HIVEP3: variants seen among roughly 807,000 people sequenced by gnomAD.
HIVEP3 encodes the protein HIVEP zinc finger 3.
HIVEP3 carries 49 observed loss-of-function variants against 152.8 expected under a neutral mutation model. That is an observed-to-expected ratio of 0.32 (90% CI 0.26 to 0.41). The LOEUF is 0.41. HIVEP3 is among the 10% of genes least tolerant of loss of function. HIVEP3 has a pLI of 1.00. For missense variants in HIVEP3, 2,790 were observed against 3,103.3 expected (o/e 0.90, Z 2.40); for synonymous variants, 1,269 against 1,289.0 (o/e 0.98, Z 0.33).
At chr1:41,930,784 T>A (rs923930895) in intron 1 of HIVEP3, among the ~76,000 whole-genome samples, 2 of 152,176 alleles carry the variant, frequency 1.3e-5, no homozygotes, top group Non-Finnish European at 2.9e-5. Flanking sequence ...ACACTTAGTG[T>A]TGTCAGGTTT....
chr1:41,784,158 C>A (rs189926403), intron 1 of HIVEP3, among the ~76,000 whole-genome samples: 1 of 152,190 alleles, frequency 6.6e-6, no homozygotes, highest in Non-Finnish European at 1.5e-5. Context: ...AGGGTCCCAC[C>A]TCCCCTGCCC....
At chr1:41,866,631 C>G (rs1238241526) in intron 1 of HIVEP3, among the ~76,000 whole-genome samples, 1 of 152,240 alleles carries the variant, frequency 6.6e-6, no homozygotes, top group African/African-American at 2.4e-5. Context: ...CCGTTCCTTT[C>G]TCTTCCCCAG....
At chr1:41,870,989 G>T (rs1644069401) in intron 1 of HIVEP3, among the ~76,000 whole-genome samples, 1 of 152,230 alleles carries the variant, frequency 6.6e-6, no homozygotes, top group South Asian at 2.1e-4. Context: ...CACGTGAACT[G>T]CTTAGAACAG....
intron 1 of HIVEP3, among the ~76,000 whole-genome samples, chr1:41,859,694 T>TACGCTGA (rs2124396406): frequency 6.6e-6 from 1 of 152,370 alleles, no homozygotes; most frequent in East Asian, 1.9e-4. Context: ...AACCTTCATC[T>TACGCTGA]ACGCTGACTG....
chr1:41,535,080 A>T (rs1643365518), intron 5 of HIVEP3, among the ~76,000 whole-genome samples: 1 of 152,200 alleles, frequency 6.6e-6, no homozygotes, highest in South Asian at 2.1e-4. Context: ...AAAGGGAACC[A>T]AGGCCCAGTG....
intron 1 of HIVEP3, among the ~76,000 whole-genome samples, chr1:42,022,367 T>C (rs186667067): frequency 5.1e-4 from 78 of 152,300 alleles, no homozygotes; most frequent in Non-Finnish European, 9.6e-4. Flanking sequence ...CCATGCTCTC[T>C]TCCTGCCCAT....
chr1:41,910,866 A>G (rs953976200), intron 1 of HIVEP3, among the ~76,000 whole-genome samples: 44 of 152,096 alleles, frequency 2.9e-4, no homozygotes, highest in African/African-American at 1.0e-3. Context: ...AGGAATATCA[A>G]ATCCATAAAA....
At chr1:41,708,798 C>G (rs572731733) in intron 1 of HIVEP3, among the ~76,000 whole-genome samples, 1 of 152,196 alleles carries the variant, frequency 6.6e-6, no homozygotes, top group Non-Finnish European at 1.5e-5. Flanking sequence ...AAACTGCAAA[C>G]AAGAAAACTT....
At chr1:41,646,544 G>A (rs1474391854) in intron 2 of HIVEP3, among the ~76,000 whole-genome samples, 2 of 152,208 alleles carry the variant, frequency 1.3e-5, no homozygotes, top group African/African-American at 4.8e-5. Flanking sequence ...GTGCCTGCAG[G>A]AGACCATGTT....
At chr1:42,015,664 T>C (rs1047494522) in intron 1 of HIVEP3, among the ~76,000 whole-genome samples, 4 of 152,278 alleles carry the variant, frequency 2.6e-5, no homozygotes, top group African/African-American at 7.2e-5. Flanking sequence ...TTGAGTCCTT[T>C]GGTGCCACAC....
At chr1:41,615,664 C>T (rs1336317775) in intron 3 of HIVEP3, among the ~76,000 whole-genome samples, 1 of 152,156 alleles carries the variant, frequency 6.6e-6, no homozygotes, top group African/African-American at 2.4e-5. Context: ...CCTCACCCAA[C>T]TCAGGGCAAG....
chr1:41,744,748 C>A (rs1198278730), intron 1 of HIVEP3, among the ~76,000 whole-genome samples: 3 of 152,064 alleles, frequency 2.0e-5, no homozygotes, highest in Non-Finnish European at 4.4e-5. Context: ...TACATTCCAA[C>A]ACATACATAT....
chr1:41,895,705 G>A (rs1644517314), intron 1 of HIVEP3, among the ~76,000 whole-genome samples: 1 of 152,220 alleles, frequency 6.6e-6, no homozygotes, highest in Non-Finnish European at 1.5e-5. Context: ...GCAAGGTGGA[G>A]GAGGGCCTTC....
In HIVEP3 at chr1:41,713,242, C is replaced by A. The variant is rs189102197; in HGVS notation, c.-800-12247G>T. On this transcript the variant is annotated intron_variant, in intron 1 of 8. Coordinates refer to ENST00000372583, the MANE Select transcript of HIVEP3 (RefSeq NM_024503.5). Reference sequence around the variant, plus strand: ...GAGCATCACTCCCTCTTCTGAGCTCCCACTGCCCTGAAAGCACTTGTTTTC... The same window carrying A: ...GAGCATCACTCCCTCTTCTGAGCTCACACTGCCCTGAAAGCACTTGTTTTC... Among the ~76,000 whole-genome samples, 262 of 152,298 alleles carry A rather than the reference C, an allele frequency of 1.7e-3. 5 individuals are homozygous for A. The highest frequency in any genetic ancestry group is 8.5e-4 in the Non-Finnish European group (58 of 68,026).
intron 1 of HIVEP3, among the ~76,000 whole-genome samples, chr1:41,723,121 A>C (rs1646701638): frequency 6.7e-6 from 1 of 150,280 alleles, no homozygotes; most frequent in Non-Finnish European, 1.5e-5. Context: ...CCCCTGGTGC[A>C]CTATGGGGAA....
chr1:41,558,047 C>T (rs2998897), intron 5 of HIVEP3, among the ~76,000 whole-genome samples: 86,652 of 152,050 alleles, frequency 0.57, 25,027 homozygotes, highest in Middle Eastern at 0.66. Flanking sequence ...GAACAGTAAG[C>T]GGCAGAGCTG....
intron 1 of HIVEP3, among the ~76,000 whole-genome samples, chr1:41,903,998 G>C (rs946599890): frequency 1.3e-5 from 2 of 151,326 alleles, no homozygotes. Context: ...CTGGGTTCAA[G>C]TGACTCTCAT....
intron 1 of HIVEP3, among the ~76,000 whole-genome samples, chr1:41,813,138 A>C (rs188739373): frequency 1.8e-3 from 277 of 152,194 alleles, no homozygotes; most frequent in African/African-American, 6.3e-3. Context: ...TCCCAAGTTC[A>C]AGCGATTCTT....
chr1:41,746,240 G>A (rs1320120605), intron 1 of HIVEP3, among the ~76,000 whole-genome samples: 1 of 152,196 alleles, frequency 6.6e-6, no homozygotes, highest in Non-Finnish European at 1.5e-5. Flanking sequence ...CCAAATGACT[G>A]GGTCTCTGCT....
Sources: allele counts gnomAD v4.1 joint callset (sites outside exome capture counted in the v4.1 genomes callset), GRCh38; gene constraint gnomAD v4.1.1; transcripts MANE v1.5; gene names NCBI Gene and HGNC (gene_info 2026-07-23, HGNC 2026-07-21).